The following IL31RA variants were observed in gnomAD, a reference collection of about 807,000 sequenced individuals.
The protein encoded by IL31RA is interleukin 31 receptor A.
IL31RA carries 66 observed loss-of-function variants against 83.7 expected under a neutral mutation model. The ratio of observed to expected loss-of-function variants is 0.79; its 90% CI spans 0.65 to 0.97. IL31RA has a LOEUF of 0.97. Ranked by LOEUF, IL31RA falls within the 50% of genes least tolerant of loss-of-function variation. The probability of loss-of-function intolerance (pLI) is 0.00; values close to 1 mark genes in which losing one functional copy is unlikely to be tolerated. For missense variants in IL31RA, 798 were observed against 919.4 expected (o/e 0.87, Z 1.71); for synonymous variants, 325 against 329.0 (o/e 0.99, Z 0.13).
rs905632187 is a variant in IL31RA, at chr5:55,903,127, C to T, written c.1070-2979C>T. Among the ~76,000 whole-genome samples the T allele has an allele frequency of 3.3e-5, 5 of 152,200 alleles. No individual in the cohort carries two copies. Among genetic ancestry groups the T allele is most frequent in the Non-Finnish European group, 7.3e-5 (5 of 68,030 alleles). On this transcript the variant is annotated intron_variant, in intron 8 of 14. Coordinates refer to ENST00000652347, the MANE Select transcript of IL31RA (RefSeq NM_139017.7). This position sits in a 1 kb window ranked among gnomAD's most constrained non-coding sequence, Gnocchi z 4.7. ...ATGAGGTTCCTTCTGCTCAGCACGCCCTGGGTTTTGTGAGACCCGAGACAG... is the reference window on the plus strand; with the variant it reads ...ATGAGGTTCCTTCTGCTCAGCACGCTCTGGGTTTTGTGAGACCCGAGACAG...
intron 1 of IL31RA, among the ~76,000 whole-genome samples, chr5:55,857,697 G>A (rs1437303008): frequency 6.6e-6 from 1 of 152,174 alleles, no homozygotes; most frequent in African/African-American, 2.4e-5. Context: ...AATATGACAT[G>A]AGAGTCCTCA....
At chr5:55,892,356 C>T (rs1044401275) in intron 6 of IL31RA, among the ~76,000 whole-genome samples, 2 of 152,182 alleles carry the variant, frequency 1.3e-5, no homozygotes, top group Non-Finnish European at 2.9e-5. Context: ...CAGTCTCATA[C>T]CCAAGTTGCA....
At chr5:55,878,715 G>A (rs1580687999) in intron 4 of IL31RA, among the ~76,000 whole-genome samples, 1 of 151,912 alleles carries the variant, frequency 6.6e-6, no homozygotes, top group African/African-American at 2.4e-5. Context: ...GTTCAGTGAT[G>A]CCATCATAGC....
intron 4 of IL31RA, among the ~76,000 whole-genome samples, chr5:55,875,997 A>C (rs1244753588): frequency 6.6e-6 from 1 of 152,170 alleles, no homozygotes; most frequent in Non-Finnish European, 1.5e-5. Context: ...AAGCATAATA[A>C]TTTTATAATA....
chr5:55,867,111 G>A (rs1469932276), intron 2 of IL31RA, among the ~76,000 whole-genome samples: 1 of 134,812 alleles, frequency 7.4e-6, no homozygotes, highest in Admixed American at 7.2e-5. Flanking sequence ...GTGTGTGTGT[G>A]CATGTGTGTG....
Position 55,917,216 on chromosome 5 carries a change from C to A in IL31RA, c.*96C>A. The A allele has an allele frequency of 6.2e-7, 1 of 1,600,600 alleles. No homozygotes were observed. The highest frequency in any genetic ancestry group is 1.1e-5 in the South Asian group (1 of 90,206). On this transcript the variant is annotated 3_prime_UTR_variant, in exon 15 of 15. Transcript: ENST00000652347. ...GGCACGCAGCGCTTGCTTGGCCCTGCCACATCCTGCCTAGGTTAAAGTTTC... is the reference window on the plus strand; with the variant it reads ...GGCACGCAGCGCTTGCTTGGCCCTGACACATCCTGCCTAGGTTAAAGTTTC...
In IL31RA at chr5:55,913,572, T is replaced by A. The variant is rs777786919; in HGVS notation, c.1736+2T>A. ...GGCATATGGTCTCAAAAAACCCAAG[T>A]GAGTCTGCAGACAACAGTGGGTGCC... On this transcript the variant is annotated splice_donor_variant, in intron 13 of 14. Coordinates refer to ENST00000652347, the MANE Select transcript of IL31RA (RefSeq NM_139017.7). LOFTEE classifies it high-confidence loss of function. 1.3e-6 allele frequency: 2 copies of A among 1,594,800 alleles called. No homozygotes were observed. The highest frequency in any genetic ancestry group is 1.7e-6 in the Non-Finnish European group (2 of 1,162,314).
intron 2 of IL31RA, among the ~76,000 whole-genome samples, chr5:55,864,314 A>AC (rs1745877886): frequency 1.6e-5 from 2 of 128,970 alleles, no homozygotes; most frequent in South Asian, 2.6e-4. Context: ...CACACACACC[A>AC]CACATATACA....
At chr5:55,872,478 A>G in intron 4 of IL31RA, 27 bp downstream of exon 4, 1 of 1,442,076 alleles carries the variant, frequency 6.9e-7, no homozygotes, top group Non-Finnish European at 9.6e-7. Flanking sequence ...ACTCTTATAT[A>G]CTCTTTATTA....
Position 55,906,113 on chromosome 5 carries a change from G to A in IL31RA, c.1077G>A (p.Gln359=), listed in dbSNP as rs751019344. ...RIPAIQEKSF[Q]CIEVMQACVA... is the part of the protein sequence containing the mutation. ...CCTTTTCTCTCCTTTCAGCATTTCA[G>A]TGCATTGAGGTCATGCAGGCCTGCG... The change falls in exon 9 of 15, where the codon CAG becomes CAA. Residue 359 remains glutamine, a synonymous_variant. Coordinates refer to ENST00000652347, the MANE Select transcript of IL31RA (RefSeq NM_139017.7). 37 of 1,614,030 alleles carry A rather than the reference G, an allele frequency of 2.3e-5. No homozygotes were observed. Among genetic ancestry groups the A allele is most frequent in the Non-Finnish European group, 3.1e-5 (37 of 1,179,994 alleles).
rs1487657303 is a variant in IL31RA at position 55,851,647 on chromosome 5, TG to T, written c.63+20del. On this transcript the variant is annotated intron_variant, in intron 1 of 14. Coordinates refer to ENST00000652347, the MANE Select transcript of IL31RA (RefSeq NM_139017.7). Reference sequence around the variant, plus strand: ...CCGCAAAACATTGTGAGTATTGATTTGGGGGGTTACAAATAATTCCTAGCAA... The same window carrying T: ...CCGCAAAACATTGTGAGTATTGATTTGGGGGTTACAAATAATTCCTAGCAA... 6.2e-7 allele frequency: 1 copy of T among 1,613,822 alleles called. No homozygotes were observed. The highest frequency in any genetic ancestry group is 8.5e-7 in the Non-Finnish European group (1 of 1,179,810).
the IL31RA span, among the ~76,000 whole-genome samples, chr5:55,843,339 A>G: frequency 1.2e-3 from 189 of 152,298 alleles, no homozygotes; most frequent in African/African-American, 4.2e-3. Context: ...AAGAAATGTC[A>G]TATTTTTCTG....
intron 7 of IL31RA, among the ~76,000 whole-genome samples, chr5:55,896,941 C>T (rs1238358415): frequency 2.9e-5 from 2 of 68,242 alleles, no homozygotes; most frequent in Admixed American, 3.6e-4. Flanking sequence ...TTCACCTTCC[C>T]AAGTAGCTGG....
chr5:55,859,602 A>T lies in IL31RA; in HGVS notation c.154+3A>T. On this transcript the variant is annotated splice_donor_region_variant and intron_variant, in intron 2 of 14. Transcript: ENST00000652347. The stretch of plus-strand genomic sequence containing the variant: ...ACTCTGCAAATTCAGCCTGGCAGGT[A>T]GGTTGACCTGGGCCCTTTTACAGAT... 6.3e-7 allele frequency: 1 copy of T among 1,597,572 alleles called. No individual in the cohort carries two copies.
At chr5:55,858,864 G>T (rs1356798228) in intron 1 of IL31RA, among the ~76,000 whole-genome samples, 1 of 152,144 alleles carries the variant, frequency 6.6e-6, no homozygotes, top group Non-Finnish European at 1.5e-5. Context: ...GAAGAAGAGA[G>T]GTTCCACTCT....
chr5:55,918,801 C>A lies in IL31RA; in HGVS notation c.*1681C>A, dbSNP rs989194077. On this transcript the variant is annotated 3_prime_UTR_variant, in exon 15 of 15. Transcript: ENST00000652347. ...CATCTCCAGCGGCTGCAGCCACCCCCCCACCACCCACCCAGGACTCAGTAC... is the reference window on the plus strand; with the variant it reads ...CATCTCCAGCGGCTGCAGCCACCCCACCACCACCCACCCAGGACTCAGTAC... 6.6e-6 allele frequency among the ~76,000 whole-genome samples: 1 copy of A among 152,128 alleles called. No individual in the cohort carries two copies. The highest frequency in any genetic ancestry group is 1.9e-4 in the East Asian group (1 of 5,184).
At chr5:55,885,150 C>CT (rs1007188371) in intron 5 of IL31RA, among the ~76,000 whole-genome samples, 3 of 152,028 alleles carry the variant, frequency 2.0e-5, no homozygotes, top group Admixed American at 2.0e-4. Context: ...ATTCAGCCTA[C>CT]TTTTTTTTAT....
At chr5:55,861,652 C>T (rs751614276) in intron 2 of IL31RA, among the ~76,000 whole-genome samples, 12 of 152,084 alleles carry the variant, frequency 7.9e-5, no homozygotes, top group Non-Finnish European at 1.6e-4. Context: ...GACTATTGCT[C>T]TCCCTCTCAT....
the IL31RA span, chr5:55,840,064 C>T: frequency 2.6e-6 from 1 of 379,590 alleles, no homozygotes; most frequent in Non-Finnish European, 5.1e-6. Context: ...AGACCAGACA[C>T]CTGACTTCGG....
Sources: gnomAD v4.1 joint callset for allele counts (sites outside exome capture counted in the v4.1 genomes callset) on GRCh38, gnomAD v4.1.1 for gene constraint, Gnocchi (gnomAD v3.1) non-coding constraint, MANE v1.5 for transcripts, NCBI Gene and HGNC (gene_info 2026-07-23, HGNC 2026-07-21) for gene names.